Variants in BLK observed in about 807,000 individuals in gnomAD.
BLK encodes the protein tyrosine-protein kinase Blk.
Under a neutral mutation model 61.8 loss-of-function variants are expected in BLK, and 64 were observed. That is an observed-to-expected ratio of 1.03 (90% CI 0.85 to 1.27). The LOEUF (loss-of-function observed/expected upper bound fraction) is 1.27, where lower values mean the gene tolerates loss of function less well. Ranked by LOEUF, BLK falls within the 50% of genes most tolerant of loss-of-function variation. BLK has a pLI of 0.00. For synonymous variants in BLK, 351 were observed against 272.0 expected (o/e 1.29, Z -2.86); for missense variants, 853 against 660.5 (o/e 1.29, Z -3.19).
intron 1 of BLK, among the ~76,000 whole-genome samples, chr8:11,502,466 G>A (rs951568625): frequency 2.0e-5 from 3 of 151,986 alleles, no homozygotes; most frequent in Non-Finnish European, 1.5e-5. Flanking sequence ...ACCATGCCTG[G>A]CTAATTTTTG....
Position 11,537,932 on chromosome 8 carries a change from T to C in BLK, c.-1-5292T>C, listed in dbSNP as rs182957529. Among the ~76,000 whole-genome samples, 552 of 152,234 alleles carry C rather than the reference T, an allele frequency of 3.6e-3. 4 individuals are homozygous for C. The highest frequency in any genetic ancestry group is 0.01 in the Middle Eastern group (3 of 294). On this transcript the variant is annotated intron_variant, in intron 1 of 12. Coordinates refer to ENST00000259089, the MANE Select transcript of BLK (RefSeq NM_001715.3). ...GCCCTGCTCTGGTGAAAGTCTGCATTAGAGGGCCTAGCTGGTTTCAAATAA... is the reference window on the plus strand; with the variant it reads ...GCCCTGCTCTGGTGAAAGTCTGCATCAGAGGGCCTAGCTGGTTTCAAATAA...
intron 1 of BLK, among the ~76,000 whole-genome samples, chr8:11,542,494 C>A (rs1585386028): frequency 6.6e-6 from 1 of 152,126 alleles, no homozygotes; most frequent in Non-Finnish European, 1.5e-5. Context: ...GTTGTTTGAC[C>A]CTGAGCAAAC....
intron 1 of BLK, among the ~76,000 whole-genome samples, chr8:11,520,466 G>A (rs1265778053): frequency 1.0e-4 from 9 of 86,908 alleles, no homozygotes; most frequent in African/African-American, 4.3e-4. Context: ...AATGGAGCAA[G>A]ACCTTGTCTC....
intron 1 of BLK, among the ~76,000 whole-genome samples, chr8:11,524,847 G>A (rs1799590096): frequency 6.6e-6 from 1 of 150,904 alleles, no homozygotes. Context: ...GGAAAAAGAT[G>A]ACCGTGATAC....
chr8:11,524,506 G>T (rs1008509961), intron 1 of BLK, among the ~76,000 whole-genome samples: 1 of 152,216 alleles, frequency 6.6e-6, no homozygotes, highest in African/African-American at 2.4e-5. Flanking sequence ...AGAAAGTACA[G>T]GGAACTACAT....
intron 1 of BLK, among the ~76,000 whole-genome samples, chr8:11,522,178 G>A (rs1411588643): frequency 2.0e-5 from 3 of 151,722 alleles, no homozygotes; most frequent in Non-Finnish European, 4.4e-5. Context: ...GTTGGCATTG[G>A]AAATGAGCTA....
intron 8 of BLK, 28 bp downstream of exon 8, chr8:11,555,512 T>TC (rs1563120514): frequency 6.2e-7 from 1 of 1,613,616 alleles, no homozygotes; most frequent in African/African-American, 1.3e-5. Flanking sequence ...TGGGAGCATT[T>TC]CTCCCCCCAT....
intron 1 of BLK, among the ~76,000 whole-genome samples, chr8:11,534,158 A>C (rs1243034035): frequency 6.6e-6 from 1 of 152,242 alleles, no homozygotes; most frequent in African/African-American, 2.4e-5. Flanking sequence ...GAGGTTTCAG[A>C]ACTATTGTGC....
chr8:11,551,100 T>C (rs1013366671), intron 6 of BLK, among the ~76,000 whole-genome samples: 1 of 152,144 alleles, frequency 6.6e-6, no homozygotes, highest in Non-Finnish European at 1.5e-5. Flanking sequence ...CACCATGTCT[T>C]GTCTGTTTTT....
At chr8:11,513,170 A>T (rs942418695) in intron 1 of BLK, among the ~76,000 whole-genome samples, 2 of 151,942 alleles carry the variant, frequency 1.3e-5, no homozygotes. Context: ...CTTGAGCCTT[A>T]CAGAGCATGC....
At chr8:11,557,803 C>T (rs904275440) in intron 9 of BLK, 159 bp from the exon 10 acceptor site, 35 of 659,376 alleles carry the variant, frequency 5.3e-5, no homozygotes, top group South Asian at 4.6e-4. Context: ...GGAAGGCACT[C>T]GGCAGCAGTA....
At chr8:11,524,674 A>AT (rs925302146) in intron 1 of BLK, among the ~76,000 whole-genome samples, 2 of 152,222 alleles carry the variant, frequency 1.3e-5, no homozygotes, top group Non-Finnish European at 2.9e-5. Context: ...GAGAAAGGGC[A>AT]TGAGCAAAGG....
At chr8:11,526,188 C>T (rs1337765180) in intron 1 of BLK, among the ~76,000 whole-genome samples, 1 of 152,216 alleles carries the variant, frequency 6.6e-6, no homozygotes, top group African/African-American at 2.4e-5. Context: ...ATCATGCTGT[C>T]TCTTTTCTTA....
Position 11,549,102 on chromosome 8 carries a change from G to A in BLK, c.348G>A (p.Val116=), listed in dbSNP as rs1385054186. The change falls in exon 5 of 13, where the codon GTG becomes GTA. Residue 116 remains valine, a synonymous_variant. Transcript: ENST00000259089. ...GYVPSNFVAR[V]ESLEMERWFF... ...TGCCCAGTAACTTTGTGGCCCGAGT[G>A]GAGAGCCTGGAAATGGAAAGGTAGG... 1 of 1,608,518 alleles carries A rather than the reference G, an allele frequency of 6.2e-7. No individual in the cohort carries two copies.
Position 11,518,423 on chromosome 8 carries a change from G to A in BLK, c.-2+23832G>A, listed in dbSNP as rs376171749. Among the ~76,000 whole-genome samples the A allele has an allele frequency of 2.6e-5, 4 of 152,190 alleles. No individual in the cohort carries two copies. The East Asian group carries it at 5.8e-4, about 22-fold the overall frequency. ...TCTGAACACAGACACCCCACTGTAG[G>A]TGGATTGGTGGGGGGCAGAAGATTT... On this transcript the variant is annotated intron_variant, in intron 1 of 12. Transcript: ENST00000259089.
chr8:11,512,754 C>T (rs1469466678), intron 1 of BLK, among the ~76,000 whole-genome samples: 1 of 152,194 alleles, frequency 6.6e-6, no homozygotes, highest in South Asian at 2.1e-4. Context: ...ACCTCCCCCT[C>T]CTGGGTTCAA....
At position 11,564,491 on chromosome 8, in the gene BLK, C is replaced by G. The variant is rs1226841907; in HGVS notation, c.*383C>G. ...CGCCCTGCGTGGACCCCGCCCTGCC[C>G]CGCTACAGAAGCCAGACTGGGTCCC... On this transcript the variant is annotated 3_prime_UTR_variant, in exon 13 of 13. Coordinates refer to ENST00000259089, the MANE Select transcript of BLK (RefSeq NM_001715.3). 1.9e-6 allele frequency: 1 copy of G among 514,940 alleles called. No individual in the cohort carries two copies. 31.9% of individuals were successfully genotyped at this position (514,940 alleles called of 1,614,324 possible). A position where few individuals can be genotyped will look rare whatever the true frequency, so the allele number is the denominator to read the frequency against.
intron 1 of BLK, among the ~76,000 whole-genome samples, chr8:11,535,455 C>G (rs775544596): frequency 6.6e-6 from 1 of 152,210 alleles, no homozygotes; most frequent in Non-Finnish European, 1.5e-5. Flanking sequence ...AACGTGTTTT[C>G]TATCTTCATG....
intron 1 of BLK, among the ~76,000 whole-genome samples, chr8:11,507,138 A>T (rs1798803248): frequency 1.3e-5 from 2 of 152,232 alleles, no homozygotes; most frequent in Admixed American, 1.3e-4. Context: ...CATGCAGTAT[A>T]AATGTACACT....
Sources: allele counts gnomAD v4.1 joint callset (sites outside exome capture counted in the v4.1 genomes callset), GRCh38; gene constraint gnomAD v4.1.1; transcripts MANE v1.5; gene names NCBI Gene and HGNC (gene_info 2026-07-23, HGNC 2026-07-21).